The following FILIP1L variants were observed in gnomAD, a reference collection of about 807,000 sequenced individuals.
The protein encoded by FILIP1L is filamin A interacting protein 1 like.
FILIP1L carries 55 observed loss-of-function variants against 96.6 expected under a neutral mutation model. The ratio of observed to expected loss-of-function variants is 0.57; its 90% CI spans 0.46 to 0.71. The LOEUF (loss-of-function observed/expected upper bound fraction) is 0.71. Ranked by LOEUF, FILIP1L falls within the 30% of genes least tolerant of loss-of-function variation. The pLI, the probability that FILIP1L is intolerant of heterozygous loss-of-function variation, is 0.00. For missense variants in FILIP1L, 1,304 were observed against 1,321.2 expected (o/e 0.99, Z 0.20); for synonymous variants, 467 against 473.9 (o/e 0.99, Z 0.19).
At chr3:100,074,246 T>A (rs901987551) in intron 1 of FILIP1L, among the ~76,000 whole-genome samples, 2 of 152,248 alleles carry the variant, frequency 1.3e-5, no homozygotes, top group African/African-American at 4.8e-5. Flanking sequence ...AGGCACAGAC[T>A]GTGGAGAGCT....
At chr3:99,895,912 A>C (rs1426290549) in intron 4 of FILIP1L, among the ~76,000 whole-genome samples, 1 of 152,216 alleles carries the variant, frequency 6.6e-6, no homozygotes, top group Non-Finnish European at 1.5e-5. Flanking sequence ...TGGACAAAGG[A>C]ACCCATCATC....
chr3:100,101,497 C>A (rs529120123), intron 1 of FILIP1L, among the ~76,000 whole-genome samples: 1 of 152,158 alleles, frequency 6.6e-6, no homozygotes, highest in South Asian at 2.1e-4. Context: ...CACAACCTTG[C>A]TTTCGGTGAA....
chr3:99,846,657 T>A (rs1457459319), intron 5 of FILIP1L, among the ~76,000 whole-genome samples: 1 of 152,204 alleles, frequency 6.6e-6, no homozygotes. Context: ...GCCCATAGCG[T>A]TGGTGTTGCA....
chr3:99,886,145 A>G (rs1294859168), intron 4 of FILIP1L, among the ~76,000 whole-genome samples: 1 of 152,232 alleles, frequency 6.6e-6, no homozygotes. Flanking sequence ...GATGATTTAT[A>G]GATATAGAAG....
intron 1 of FILIP1L, among the ~76,000 whole-genome samples, chr3:100,064,712 G>A (rs1046679779): frequency 1.3e-5 from 2 of 152,094 alleles, no homozygotes; most frequent in Admixed American, 6.5e-5. Flanking sequence ...ATTCATTAAG[G>A]GCATGTTGGC....
At chr3:99,961,329 AC>A (rs1708483752) in intron 1 of FILIP1L, among the ~76,000 whole-genome samples, 1 of 151,918 alleles carries the variant, frequency 6.6e-6, no homozygotes, top group South Asian at 2.1e-4. Flanking sequence ...TATTTTTTTA[AC>A]CCCAATACTC....
intron 1 of FILIP1L, among the ~76,000 whole-genome samples, chr3:100,030,413 T>A (rs1271444492): frequency 6.6e-6 from 1 of 152,192 alleles, no homozygotes; most frequent in Non-Finnish European, 1.5e-5. Flanking sequence ...ACTCTAATTG[T>A]AATGAGTATT....
At chr3:100,094,674 CTTTTTTTT>C (rs71132509) in intron 1 of FILIP1L, among the ~76,000 whole-genome samples, 1 of 57,000 alleles carries the variant, frequency 1.8e-5, no homozygotes, top group Non-Finnish European at 3.2e-5. Flanking sequence ...GAAAAGCTGC[CTTTTTTTT>C]TTTTTTTTTT....
chr3:99,983,689 CAAA>C (rs533900254), intron 1 of FILIP1L, among the ~76,000 whole-genome samples: 3 of 89,936 alleles, frequency 3.3e-5, no homozygotes, highest in Non-Finnish European at 2.3e-5. Context: ...GACTCAGTCT[CAAA>C]AAAAAAAAAA....
chr3:100,055,204 G>T (rs1488777503), intron 1 of FILIP1L, among the ~76,000 whole-genome samples: 1 of 152,124 alleles, frequency 6.6e-6, no homozygotes, highest in African/African-American at 2.4e-5. Flanking sequence ...ATTTCTTCGT[G>T]TATGCATAGG....
intron 4 of FILIP1L, among the ~76,000 whole-genome samples, chr3:99,855,831 T>C (rs1289004517): frequency 6.6e-6 from 1 of 152,238 alleles, no homozygotes; most frequent in Non-Finnish European, 1.5e-5. Context: ...CATTCAATGT[T>C]TAAATAGTTG....
intron 4 of FILIP1L, among the ~76,000 whole-genome samples, chr3:99,871,689 T>C (rs937789207): frequency 6.6e-6 from 1 of 152,060 alleles, no homozygotes; most frequent in Admixed American, 6.6e-5. Flanking sequence ...GTCTGAGGAG[T>C]GCAAAATGCT....
chr3:99,913,542 T>G (rs1223390421), intron 4 of FILIP1L, among the ~76,000 whole-genome samples: 1 of 152,162 alleles, frequency 6.6e-6, no homozygotes, highest in African/African-American at 2.4e-5. Context: ...GCTCATAAGG[T>G]GGCCTGGCTA....
chr3:99,928,428 G>A (rs771129440), intron 3 of FILIP1L, among the ~76,000 whole-genome samples: 5 of 152,180 alleles, frequency 3.3e-5, no homozygotes, highest in Non-Finnish European at 7.3e-5. Flanking sequence ...TGTGAGAGGT[G>A]TATGTATATA....
At chr3:99,985,314 A>G (rs1709305457) in intron 1 of FILIP1L, among the ~76,000 whole-genome samples, 1 of 152,092 alleles carries the variant, frequency 6.6e-6, no homozygotes, top group Non-Finnish European at 1.5e-5. Flanking sequence ...GGCAGATTGC[A>G]TGAGCCCAGG....
At chr3:99,948,871 C>T (rs1462780512) in intron 1 of FILIP1L, among the ~76,000 whole-genome samples, 2 of 152,168 alleles carry the variant, frequency 1.3e-5, no homozygotes, top group African/African-American at 4.8e-5. Flanking sequence ...GCCCCACTCC[C>T]TCTCAGCAGG....
chr3:100,060,055 G>T (rs936135415), intron 1 of FILIP1L, among the ~76,000 whole-genome samples: 1 of 151,674 alleles, frequency 6.6e-6, no homozygotes, highest in African/African-American at 2.4e-5. Flanking sequence ...AAATGGGGGC[G>T]GGGGGAAGAT....
chr3:99,838,221 C>G (rs1237842904), intron 5 of FILIP1L, among the ~76,000 whole-genome samples: 1 of 152,230 alleles, frequency 6.6e-6, no homozygotes, highest in African/African-American at 2.4e-5. Flanking sequence ...GACTTGCTTT[C>G]TCACATCTCC....
chr3:100,095,278 G>A (rs984467932), intron 1 of FILIP1L, among the ~76,000 whole-genome samples: 3 of 152,020 alleles, frequency 2.0e-5, no homozygotes, highest in Non-Finnish European at 4.4e-5. Context: ...ATCTTGCGGA[G>A]ATTTTAGTTA....
Sources: allele counts gnomAD v4.1 joint callset (sites outside exome capture counted in the v4.1 genomes callset), GRCh38; gene constraint gnomAD v4.1.1; transcripts MANE v1.5; gene names NCBI Gene and HGNC (gene_info 2026-07-23, HGNC 2026-07-21).